NAV1: variants seen among roughly 807,000 people sequenced by gnomAD.
The protein encoded by NAV1 is neuron navigator 1, also known as pore membrane and/or filament interacting like protein 3.
In NAV1, 18 loss-of-function variants were observed where a neutral mutation model predicts 175.2. The observed-to-expected ratio is 0.10, with a 90% CI of 0.07 to 0.15. The LOEUF (loss-of-function observed/expected upper bound fraction) is 0.15. Ranked by LOEUF, NAV1 falls within the 10% of genes least tolerant of loss-of-function variation. NAV1 has a pLI of 1.00. For synonymous variants in NAV1, 897 were observed against 978.7 expected, an observed-to-expected ratio of 0.92 and a Z score of 1.56; for missense variants, 1,731 against 2,436.6, an observed-to-expected ratio of 0.71 and a Z score of 6.10.
chr1:201,718,428 A>G lies in NAV1; in HGVS notation c.899A>G (p.Asn300Ser). Residue 300 changes from asparagine (N) to serine (S), a missense_variant, in exon 3 of 30, where the codon AAC becomes AGC. Transcript: ENST00000367296. The surrounding 1 kb of genome is among the most constrained non-coding windows in gnomAD (Gnocchi z 4.8). ...ACCTGCTACGACAGCGATGATGCCA[A>G]CCCACGCAGCGTGTCCAGCCTCTCC... 1 of 1,550,792 alleles carries G rather than the reference A, an allele frequency of 6.4e-7. No individual in the cohort carries two copies. Among genetic ancestry groups the G allele is most frequent in the East Asian group, 2.3e-5 (1 of 44,082 alleles).
rs570259534 is a variant in NAV1 at position 201,625,291 on chromosome 1, T to C, written c.-101+1685T>C. 2.0e-5 allele frequency among the ~76,000 whole-genome samples: 3 copies of C among 152,328 alleles called. No individual in the cohort carries two copies. The East Asian group carries it at 5.8e-4, about 29-fold the overall frequency. On this transcript the variant is annotated intron_variant, in intron 1 of 29. Coordinates refer to the NAV1 transcript ENST00000367302. The stretch of plus-strand genomic sequence containing the variant: ...CTGTCATGTTGTAAGATGAATTAGA[T>C]TTACTTGGTGCAGCTCCAAAGACCT...
chr1:201,667,823 T>C (rs1445878376), intron 1 of NAV1, among the ~76,000 whole-genome samples: 1 of 152,136 alleles, frequency 6.6e-6, no homozygotes, highest in Non-Finnish European at 1.5e-5. Flanking sequence ...TGAGGGGTGG[T>C]CAGAGCTGCT....
chr1:201,544,615 T>G (rs1665614344), intron 1 of NAV1, among the ~76,000 whole-genome samples: 1 of 152,198 alleles, frequency 6.6e-6, no homozygotes, highest in Non-Finnish European at 1.5e-5. Flanking sequence ...TCAGAGTTCC[T>G]CATTGTATTA....
intron 1 of NAV1, among the ~76,000 whole-genome samples, chr1:201,703,855 G>C (rs1487819258): frequency 6.6e-6 from 1 of 152,218 alleles, no homozygotes; most frequent in Non-Finnish European, 1.5e-5. Context: ...TGTGGTGGAG[G>C]GGGTGGGGTG....
chr1:201,712,933 G>C lies in NAV1; in HGVS notation c.860+14G>C. ...GGTGACTCACAGGTAAGCTCGAGCT[G>C]CAGAGAGGGTCATGCCCTCTGCCTT... On this transcript the variant is annotated intron_variant, in intron 2 of 29. Transcript: ENST00000367296. 6.3e-7 allele frequency: 1 copy of C among 1,592,622 alleles called. No individual in the cohort carries two copies. The highest frequency in any genetic ancestry group is 8.6e-7 in the Non-Finnish European group (1 of 1,160,522).
chr1:201,564,323 A>C (rs962790529), intron 1 of NAV1, among the ~76,000 whole-genome samples: 3 of 152,084 alleles, frequency 2.0e-5, no homozygotes, highest in Admixed American at 1.3e-4. Flanking sequence ...TACCTATTAC[A>C]GGGGAATGGG....
chr1:201,597,349 C>T (rs1002906740), intron 2 of NAV1, among the ~76,000 whole-genome samples: 1 of 152,226 alleles, frequency 6.6e-6, no homozygotes, highest in Non-Finnish European at 1.5e-5. Flanking sequence ...TCAGGATTCA[C>T]ACACATTGGC....
At chr1:201,765,099 T>G (rs1461051319) in intron 3 of NAV1, among the ~76,000 whole-genome samples, 1 of 152,234 alleles carries the variant, frequency 6.6e-6, no homozygotes, top group African/African-American at 2.4e-5. Context: ...GTTTTCACAC[T>G]TTTCCATTAT....
chr1:201,617,611 T>C (rs1668043095), intron 2 of NAV1, among the ~76,000 whole-genome samples: 1 of 152,138 alleles, frequency 6.6e-6, no homozygotes, highest in Non-Finnish European at 1.5e-5. Context: ...CCTTATAGTT[T>C]CAGCTAGTCA....
At chr1:201,799,819 C>T (rs1296614330) in intron 15 of NAV1, among the ~76,000 whole-genome samples, 1 of 147,690 alleles carries the variant, frequency 6.8e-6, no homozygotes. Context: ...GAGATCGCGC[C>T]ATTACACTCC....
At chr1:201,689,496 C>T (rs1011291607) in intron 1 of NAV1, among the ~76,000 whole-genome samples, 1 of 152,174 alleles carries the variant, frequency 6.6e-6, no homozygotes, top group Non-Finnish European at 1.5e-5. Context: ...GCTGAGGCCC[C>T]TCCAGAGACT....
At chr1:201,754,311 A>G (rs1444829506) in intron 3 of NAV1, among the ~76,000 whole-genome samples, 2 of 152,232 alleles carry the variant, frequency 1.3e-5, no homozygotes, top group East Asian at 1.9e-4. Flanking sequence ...ATGAAAGACC[A>G]AAGTGTAAAA....
chr1:201,686,986 C>T (rs1410053068), intron 1 of NAV1, among the ~76,000 whole-genome samples: 2 of 152,216 alleles, frequency 1.3e-5, no homozygotes, highest in African/African-American at 2.4e-5. Context: ...TGCATAGTTA[C>T]TCACAGTTAC....
chr1:201,594,550 A>T (rs1227761214), intron 2 of NAV1, among the ~76,000 whole-genome samples: 1 of 152,232 alleles, frequency 6.6e-6, no homozygotes, highest in Admixed American at 6.5e-5. Flanking sequence ...ACTCTCTATC[A>T]GCATAGTTGA....
intron 1 of NAV1, among the ~76,000 whole-genome samples, chr1:201,556,466 C>T (rs1007207323): frequency 6.6e-6 from 1 of 151,970 alleles, no homozygotes; most frequent in African/African-American, 2.4e-5. Context: ...GTGATTACAC[C>T]CCAGTTGTAA....
chr1:201,761,306 G>A (rs998118954), intron 3 of NAV1, among the ~76,000 whole-genome samples: 1 of 152,200 alleles, frequency 6.6e-6, no homozygotes, highest in Non-Finnish European at 1.5e-5. Flanking sequence ...CAGAGGGAAC[G>A]CCTGGCAATT....
chr1:201,668,938 C>T (rs1263461097), intron 1 of NAV1, among the ~76,000 whole-genome samples: 1 of 152,092 alleles, frequency 6.6e-6, no homozygotes, highest in Non-Finnish European at 1.5e-5. Context: ...GAAACAGCAT[C>T]GGGTCCTTGG....
At chr1:201,642,517 C>CTTTCTCTTTCTTTCTTTCTTTCTTTCTT (rs1553247042) in intron 2 of NAV1, among the ~76,000 whole-genome samples, 54 of 118,502 alleles carry the variant, frequency 4.6e-4, no homozygotes, top group African/African-American at 1.3e-3. Context: ...CGGCCTCTTT[C>CTTTCTCTTTCTTTCTTTCTTTCTTTCTT]TTTCTTTTTT....
intron 1 of NAV1, among the ~76,000 whole-genome samples, chr1:201,650,491 A>T (rs1669155213): frequency 6.6e-6 from 1 of 151,912 alleles, no homozygotes; most frequent in Non-Finnish European, 1.5e-5. Flanking sequence ...GCGCCGAGGG[A>T]CCCGAGCTTC....
Sources: allele counts gnomAD v4.1 joint callset (sites outside exome capture counted in the v4.1 genomes callset), GRCh38; gene constraint gnomAD v4.1.1; non-coding constraint Gnocchi (gnomAD v3.1); transcripts MANE v1.5; gene names NCBI Gene and HGNC (gene_info 2026-07-23, HGNC 2026-07-21).